Variants in ABCC1 observed in about 807,000 individuals in gnomAD.
The protein encoded by ABCC1 is ATP binding cassette subfamily C member 1 (ABCC1 blood group), also known as multidrug resistance-associated protein 1.
Under a neutral mutation model 172.9 loss-of-function variants are expected in ABCC1, and 83 were observed. That is an observed-to-expected ratio of 0.48 (90% CI 0.40 to 0.58). The LOEUF (loss-of-function observed/expected upper bound fraction) is 0.58. ABCC1 is among the 20% of genes least tolerant of loss of function. ABCC1 has a pLI of 0.00. For synonymous variants in ABCC1, 937 were observed against 825.2 expected, an observed-to-expected ratio of 1.14 and a Z score of -2.32; for missense variants, 1,817 against 2,002.7, an observed-to-expected ratio of 0.91 and a Z score of 1.77.
intron 1 of ABCC1, among the ~76,000 whole-genome samples, chr16:16,001,138 A>G (rs1005848820): frequency 6.6e-6 from 1 of 152,146 alleles, no homozygotes; most frequent in Admixed American, 6.5e-5. Flanking sequence ...GGTGGGAGAA[A>G]TTGTAGGAGA....
intron 1 of ABCC1, among the ~76,000 whole-genome samples, chr16:15,971,742 T>C (rs1018454955): frequency 6.6e-6 from 1 of 152,140 alleles, no homozygotes; most frequent in African/African-American, 2.4e-5. Context: ...TGAGTTTGAT[T>C]GCTTCAGTCT....
chr16:16,066,915 A>G (rs1258138720), intron 12 of ABCC1, among the ~76,000 whole-genome samples: 1 of 142,444 alleles, frequency 7.0e-6, no homozygotes, highest in Non-Finnish European at 1.5e-5. Context: ...AAAAAAAAAA[A>G]GTATCTTTAG....
chr16:16,133,467 T>C (rs1242039888), intron 27 of ABCC1, among the ~76,000 whole-genome samples: 3 of 152,072 alleles, frequency 2.0e-5, no homozygotes, highest in Non-Finnish European at 2.9e-5. Context: ...CCAGTGGTGC[T>C]ATTTCGGCTC....
intron 1 of ABCC1, among the ~76,000 whole-genome samples, chr16:15,955,405 T>G (rs1408156821): frequency 6.6e-6 from 1 of 152,060 alleles, no homozygotes; most frequent in Non-Finnish European, 1.5e-5. Flanking sequence ...ACTCTGCCCT[T>G]GACCCCTACA....
At chr16:16,021,058 C>T (rs1002824719) in intron 5 of ABCC1, among the ~76,000 whole-genome samples, 1 of 152,158 alleles carries the variant, frequency 6.6e-6, no homozygotes, top group Non-Finnish European at 1.5e-5. Context: ...ACCTTGTAAC[C>T]TCAGTGCCTA....
At chr16:16,127,183 A>T (rs1596544436) in intron 26 of ABCC1, among the ~76,000 whole-genome samples, 1 of 152,150 alleles carries the variant, frequency 6.6e-6, no homozygotes, top group Non-Finnish European at 1.5e-5. Context: ...GCCCAGACTT[A>T]AACGTTTAAT....
intron 5 of ABCC1, among the ~76,000 whole-genome samples, chr16:16,031,175 G>A (rs905865965): frequency 3.3e-5 from 5 of 152,132 alleles, no homozygotes; most frequent in African/African-American, 9.7e-5. Context: ...TAAAAAGCAC[G>A]CCCAGCCTTG....
chr16:15,973,958 TTGGGTGACAGAG>T (rs1304106462), intron 1 of ABCC1, among the ~76,000 whole-genome samples: 1 of 152,032 alleles, frequency 6.6e-6, no homozygotes, highest in Non-Finnish European at 1.5e-5. Context: ...GTATTCCAGC[TTGGGTGACAGAG>T]TGAGACCCTG....
At chr16:16,090,659 A>T in intron 19 of ABCC1, 71 bp downstream of exon 19, 1 of 1,449,534 alleles carries the variant, frequency 6.9e-7, no homozygotes. Context: ...GGCCTCTTTG[A>T]GGTTGCCACC....
chr16:16,005,369 G>T (rs1410135368), intron 1 of ABCC1, among the ~76,000 whole-genome samples: 5 of 143,978 alleles, frequency 3.5e-5, no homozygotes, highest in Non-Finnish European at 7.6e-5. Flanking sequence ...TTTTTTTTGA[G>T]ACACAGTCTT....
chr16:16,067,010 G>A (rs1206016551), intron 12 of ABCC1, among the ~76,000 whole-genome samples: 3 of 152,168 alleles, frequency 2.0e-5, no homozygotes, highest in African/African-American at 7.2e-5. Flanking sequence ...CAGCACTTTA[G>A]GTGGCCGAGG....
chr16:15,963,639 C>T (rs1423774040), intron 1 of ABCC1, among the ~76,000 whole-genome samples: 1 of 152,220 alleles, frequency 6.6e-6, no homozygotes. Context: ...TTGGGGCTTG[C>T]ACCCTCTGAA....
chr16:15,992,041 C>T (rs967152439), intron 1 of ABCC1, among the ~76,000 whole-genome samples: 1 of 152,144 alleles, frequency 6.6e-6, no homozygotes, highest in Non-Finnish European at 1.5e-5. Context: ...GCATCACCGC[C>T]TGAGCTCTGC....
chr16:16,137,095 GTGTT>G (rs1442791671), intron 29 of ABCC1, among the ~76,000 whole-genome samples: 1 of 152,192 alleles, frequency 6.6e-6, no homozygotes, highest in Admixed American at 6.5e-5. Flanking sequence ...TGCTTTGGTG[GTGTT>G]TGTTAGTGCC....
intron 20 of ABCC1, among the ~76,000 whole-genome samples, chr16:16,106,097 G>C (rs969675868): frequency 1.3e-5 from 2 of 151,886 alleles, no homozygotes; most frequent in African/African-American, 4.8e-5. Context: ...GGCTAGTCTT[G>C]AACTCCTGGC....
At chr16:15,997,646 C>G (rs540985107) in intron 1 of ABCC1, among the ~76,000 whole-genome samples, 2 of 152,004 alleles carry the variant, frequency 1.3e-5, no homozygotes, top group Admixed American at 1.3e-4. Flanking sequence ...GCCAGGGAAT[C>G]GTCCCTTCCT....
intron 1 of ABCC1, among the ~76,000 whole-genome samples, chr16:15,974,815 C>G (rs572044441): frequency 3.9e-5 from 6 of 152,170 alleles, no homozygotes; most frequent in Non-Finnish European, 8.8e-5. Context: ...GATACAGAGT[C>G]TCACTCTGTC....
upstream of ABCC1, chr16:15,949,611 G>GCGC (rs554094723): frequency 1.7e-3 from 281 of 163,582 alleles, 11 homozygotes; most frequent in East Asian, 5.9e-3. Context: ...CCGGCTCCCT[G>GCGC]CGCCGCCGCC....
intron 26 of ABCC1, among the ~76,000 whole-genome samples, chr16:16,128,442 C>G (rs962936960): frequency 3.3e-5 from 5 of 152,158 alleles, no homozygotes; most frequent in African/African-American, 1.2e-4. Flanking sequence ...AGCCACCACA[C>G]CCGGCCTGAG....
Sources: allele counts gnomAD v4.1 joint callset (sites outside exome capture counted in the v4.1 genomes callset), GRCh38; gene constraint gnomAD v4.1.1; transcripts MANE v1.5; gene names NCBI Gene and HGNC (gene_info 2026-07-23, HGNC 2026-07-21).